Variants in SGMS1 observed in about 807,000 individuals in gnomAD.
SGMS1 encodes the protein phosphatidylcholine:ceramide cholinephosphotransferase 1.
Under a neutral mutation model 46.2 loss-of-function variants are expected in SGMS1, and 13 were observed. The observed-to-expected ratio is 0.28, with a 90% confidence interval of 0.18 to 0.45. The LOEUF is 0.45. Among genes scored for constraint, SGMS1 ranks in the 20% least tolerant of loss-of-function variants. The probability of loss-of-function intolerance (pLI) is 1.00; values close to 1 mark genes in which losing one functional copy is unlikely to be tolerated. For missense variants in SGMS1, 324 were observed against 519.9 expected (o/e 0.62, Z 3.66); for synonymous variants, 203 against 187.8 (o/e 1.08, Z -0.66).
chr10:50,515,343 T>G (rs1286193406), intron 3 of SGMS1, among the ~76,000 whole-genome samples: 1 of 152,224 alleles, frequency 6.6e-6, no homozygotes. Flanking sequence ...GGGCTGTGTC[T>G]CTGCATTGTT....
intron 2 of SGMS1, among the ~76,000 whole-genome samples, chr10:50,574,090 G>A (rs1215444958): frequency 6.6e-6 from 1 of 152,102 alleles, no homozygotes; most frequent in Non-Finnish European, 1.5e-5. Flanking sequence ...ACACAGGGGG[G>A]AAGCTTCTTG....
intron 2 of SGMS1, among the ~76,000 whole-genome samples, chr10:50,557,224 A>G (rs1002668778): frequency 1.3e-5 from 2 of 152,218 alleles, no homozygotes; most frequent in African/African-American, 2.4e-5. Flanking sequence ...AGTATCACTT[A>G]TTTATTAAAT....
chr10:50,615,713 G>A (rs1052442332), intron 1 of SGMS1, among the ~76,000 whole-genome samples: 4 of 152,096 alleles, frequency 2.6e-5, no homozygotes. Context: ...GGCCCTCAAG[G>A]CTCCCAACAG....
chr10:50,598,487 CT>C lies in SGMS1; in HGVS notation c.-683-8241del, dbSNP rs1326105878. On this transcript the variant is annotated intron_variant, in intron 1 of 10. Transcript: ENST00000361781. Reference sequence around the variant, plus strand: ...TTAAGTTTTTAAAATTTAAAAATTACTAAAAAGTAGCATTTAAAAATCATAG... The same window carrying C: ...TTAAGTTTTTAAAATTTAAAAATTACAAAAAGTAGCATTTAAAAATCATAG... Among the ~76,000 whole-genome samples, 8 of 152,100 alleles carry C rather than the reference CT, an allele frequency of 5.3e-5. No individual in the cohort carries two copies. The East Asian group carries it at 1.4e-3, about 26-fold the overall frequency.
rs535690746 is a variant in SGMS1 at position 50,407,705 on chromosome 10, C to G, written c.-232+25771G>C. ...AATAGAATGGGTGCCTATACACATG[C>G]TAAAGATTCACTGTGTCTACTCTTG... On this transcript the variant is annotated intron_variant, in intron 6 of 10. Coordinates refer to ENST00000361781, the MANE Select transcript of SGMS1 (RefSeq NM_147156.4). 6.6e-5 allele frequency among the ~76,000 whole-genome samples: 10 copies of G among 151,164 alleles called. No homozygotes were observed. The South Asian group carries it at 1.5e-3, about 22-fold the overall frequency.
At chr10:50,529,823 T>G (rs554543804) in intron 2 of SGMS1, among the ~76,000 whole-genome samples, 20 of 152,298 alleles carry the variant, frequency 1.3e-4, no homozygotes, top group African/African-American at 3.8e-4. Flanking sequence ...AATTAATTAC[T>G]ATACCGTACC....
chr10:50,436,309 A>T (rs1373686684), intron 5 of SGMS1, among the ~76,000 whole-genome samples: 1 of 151,924 alleles, frequency 6.6e-6, no homozygotes, highest in Non-Finnish European at 1.5e-5. Flanking sequence ...GGGTTTCACC[A>T]TGTTAGCCAG....
At chr10:50,594,936 G>A (rs1361575374) in intron 1 of SGMS1, among the ~76,000 whole-genome samples, 2 of 152,110 alleles carry the variant, frequency 1.3e-5, no homozygotes, top group African/African-American at 4.8e-5. Flanking sequence ...TCTTGTAGAT[G>A]GAAGAAACTG....
chr10:50,506,765 T>C (rs1158470534), intron 3 of SGMS1, among the ~76,000 whole-genome samples: 1 of 152,180 alleles, frequency 6.6e-6, no homozygotes, highest in Non-Finnish European at 1.5e-5. Context: ...AGCAAGCACA[T>C]ACCTCCTAAT....
chr10:50,313,799 G>C (rs529822859), intron 8 of SGMS1, among the ~76,000 whole-genome samples: 2 of 152,262 alleles, frequency 1.3e-5, no homozygotes, highest in African/African-American at 4.8e-5. Flanking sequence ...TGTTTGGGCA[G>C]AAAGGAGAAA....
intron 3 of SGMS1, among the ~76,000 whole-genome samples, chr10:50,472,205 T>C (rs1837384575): frequency 6.6e-6 from 1 of 152,178 alleles, no homozygotes; most frequent in Non-Finnish European, 1.5e-5. Flanking sequence ...CACATACTTA[T>C]TTTTTATAGT....
At chr10:50,593,239 A>G (rs2131896158) in intron 1 of SGMS1, among the ~76,000 whole-genome samples, 1 of 152,334 alleles carries the variant, frequency 6.6e-6, no homozygotes, top group South Asian at 2.1e-4. Flanking sequence ...GCCTCAGTCA[A>G]GCCTTCAAAT....
chr10:50,543,402 A>T (rs1191939308), intron 2 of SGMS1, among the ~76,000 whole-genome samples: 1 of 152,280 alleles, frequency 6.6e-6, no homozygotes, highest in Non-Finnish European at 1.5e-5. Context: ...CACATTACAT[A>T]GTTAACATTA....
chr10:50,434,031 A>G (rs1442493933), intron 5 of SGMS1, among the ~76,000 whole-genome samples: 2 of 152,218 alleles, frequency 1.3e-5, no homozygotes, highest in Non-Finnish European at 2.9e-5. Context: ...TTGATCCAAC[A>G]AAGGCATTAT....
intron 5 of SGMS1, among the ~76,000 whole-genome samples, chr10:50,446,744 T>C (rs1837021583): frequency 6.6e-6 from 1 of 152,232 alleles, no homozygotes; most frequent in South Asian, 2.1e-4. Flanking sequence ...GCCTCTGGGA[T>C]GGCACACCTG....
At chr10:50,614,485 G>A (rs1397133791) in intron 1 of SGMS1, among the ~76,000 whole-genome samples, 2 of 152,236 alleles carry the variant, frequency 1.3e-5, no homozygotes, top group Non-Finnish European at 2.9e-5. Flanking sequence ...ACTGCTGATG[G>A]CAGTGGTTGG....
chr10:50,534,705 G>A (rs1223411786), intron 2 of SGMS1, among the ~76,000 whole-genome samples: 8 of 152,176 alleles, frequency 5.3e-5, no homozygotes, highest in Non-Finnish European at 8.8e-5. Flanking sequence ...TTATATTCAT[G>A]CAGAAATGCT....
chr10:50,488,163 G>A (rs572543603), intron 3 of SGMS1, among the ~76,000 whole-genome samples: 3 of 151,970 alleles, frequency 2.0e-5, no homozygotes, highest in South Asian at 2.1e-4. Context: ...ATAAGCGCCC[G>A]CCACCATGCC....
At chr10:50,590,937 AC>A (rs754020366) in intron 1 of SGMS1, among the ~76,000 whole-genome samples, 18 of 152,134 alleles carry the variant, frequency 1.2e-4, no homozygotes, top group Non-Finnish European at 2.5e-4. Flanking sequence ...ATTTACTCTG[AC>A]CTTGGATTTC....
Sources: allele counts gnomAD v4.1 joint callset (sites outside exome capture counted in the v4.1 genomes callset), GRCh38; gene constraint gnomAD v4.1.1; transcripts MANE v1.5; gene names NCBI Gene and HGNC (gene_info 2026-07-23, HGNC 2026-07-21).